Variants in TMEM165 observed in about 807,000 individuals in gnomAD.
The protein encoded by TMEM165 is transmembrane protein 165.
Under a neutral mutation model 30.0 loss-of-function variants are expected in TMEM165, and 19 were observed. The observed-to-expected ratio is 0.63, with a 90% CI of 0.44 to 0.93. The LOEUF (loss-of-function observed/expected upper bound fraction) is 0.93, where lower values mean the gene tolerates loss of function less well. TMEM165 is among the 40% of genes least tolerant of loss of function. The pLI is 0.00. For synonymous variants in TMEM165, 168 were observed against 162.9 expected (o/e 1.03, Z -0.24); for missense variants, 340 against 417.0 (o/e 0.82, Z 1.61).
rs776663661 is a variant in TMEM165 at position 55,449,580 on chromosome 4, T to C, written c.409-2659T>C. 5.1e-6 allele frequency: 6 copies of C among 1,178,556 alleles called. No homozygotes were observed. The African/African-American group carries it at 9.2e-5, about 18-fold the overall frequency. The allele number at this position is 1,178,556 out of a possible 1,614,324, so 73.0% of individuals were successfully genotyped here. A position where few individuals can be genotyped will look rare whatever the true frequency, so the allele number is the denominator to read the frequency against. ...TAATCTCAAAATGTATTTCAGTTAA[T>C]AAAAATGGCTTTTGAATTATTTTTC... is the stretch of plus-strand genomic sequence containing the variant. On this transcript the variant is annotated intron_variant, in intron 3 of 3. Transcript: ENST00000608091.
intron 3 of TMEM165, among the ~76,000 whole-genome samples, chr4:55,436,416 A>G (rs1179689489): frequency 6.6e-6 from 1 of 152,142 alleles, no homozygotes; most frequent in Non-Finnish European, 1.5e-5. Context: ...CTTTCACCAA[A>G]TTTGTACTTC....
Position 55,413,589 on chromosome 4 carries a change from A to C in TMEM165, c.433+1750A>C, listed in dbSNP as rs548694817. Among the ~76,000 whole-genome samples the C allele has an allele frequency of 3.3e-5, 5 of 152,376 alleles. No homozygotes were observed. The South Asian group carries it at 1.0e-3, about 32-fold the overall frequency. On this transcript the variant is annotated intron_variant, in intron 2 of 5. Transcript: ENST00000381334. Reference sequence around the variant, plus strand: ...CTTGGCCTCCCAAAGTGCTGCGATTACAGGCGTGAGCTACCACGCCTGGCC... The same window carrying C: ...CTTGGCCTCCCAAAGTGCTGCGATTCCAGGCGTGAGCTACCACGCCTGGCC...
chr4:55,447,992 T>TC (rs1171657707), intron 3 of TMEM165, among the ~76,000 whole-genome samples: 1 of 151,584 alleles, frequency 6.6e-6, no homozygotes, highest in Non-Finnish European at 1.5e-5. Context: ...TTGGAATTAC[T>TC]CCCCCTTTTT....
chr4:55,396,490 T>G, intron 1 of TMEM165, 94 bp downstream of exon 1: 1 of 1,134,690 alleles, frequency 8.8e-7, no homozygotes, highest in Non-Finnish European at 1.2e-6. Context: ...TCCGCCGGCC[T>G]CGGCTGGGGG....
In TMEM165 at chr4:55,395,996, G is replaced by A. The variant is rs1246578796; in HGVS notation, c.-194G>A. ...CGCCGCCGGAGAGGACGGGCGCCGA[G>A]CCGGGGCTGCGGACTTCGGCCTGCC... On this transcript the variant is annotated 5_prime_UTR_variant, in exon 1 of 6. Coordinates refer to ENST00000381334, the MANE Select transcript of TMEM165 (RefSeq NM_018475.5). The A allele has an allele frequency of 2.5e-6, 1 of 403,960 alleles. No homozygotes were observed. The allele number at this position is 403,960 out of a possible 1,614,324, so 25.0% of individuals were successfully genotyped here. A position where few individuals can be genotyped will look rare whatever the true frequency, so the allele number is the denominator to read the frequency against.
intron 4 of TMEM165, among the ~76,000 whole-genome samples, chr4:55,419,441 T>C (rs1192940571): frequency 1.3e-5 from 2 of 152,204 alleles, no homozygotes; most frequent in Non-Finnish European, 2.9e-5. Context: ...AGAGATCGGG[T>C]GACTTGTGTG....
At chr4:55,450,144 G>C in intron 3 of TMEM165, 1 of 1,614,052 alleles carries the variant, frequency 6.2e-7, no homozygotes, top group Admixed American at 1.7e-5. Flanking sequence ...CCGAGAAGAG[G>C]CAGAAGGGGT....
At chr4:55,433,513 G>C (rs1722658981) in intron 3 of TMEM165, 1 of 152,170 alleles carries the variant, frequency 6.6e-6, no homozygotes, top group Non-Finnish European at 1.5e-5. Flanking sequence ...TCTTTACCTA[G>C]CAATTCTGCA....
chr4:55,422,605 A>G (rs915940797), intron 4 of TMEM165, among the ~76,000 whole-genome samples: 1 of 151,960 alleles, frequency 6.6e-6, no homozygotes, highest in African/African-American at 2.4e-5. Context: ...CTTACCATAC[A>G]TAGTTCATCA....
chr4:55,396,412 T>C lies in TMEM165; in HGVS notation c.207+16T>C, dbSNP rs1019093638. 3.9e-5 allele frequency: 57 copies of C among 1,447,618 alleles called. No individual in the cohort carries two copies. The highest frequency in any genetic ancestry group is 5.0e-5 in the Non-Finnish European group (55 of 1,109,000). 89.7% of individuals were successfully genotyped at this position (1,447,618 alleles called of 1,614,324 possible). A position where few individuals can be genotyped will look rare whatever the true frequency, so the allele number is the denominator to read the frequency against. ...CCGGGTCGAGGTGAGCGGGCCGGGA[T>C]GGGGCGAGCGAGGCTGCAGGGCCGG... On this transcript the variant is annotated intron_variant, in intron 1 of 5. Transcript: ENST00000381334.
intron 3 of TMEM165, chr4:55,435,661 A>T (rs1236733190): frequency 6.0e-6 from 9 of 1,501,886 alleles, no homozygotes; most frequent in African/African-American, 1.4e-5. Flanking sequence ...ATAGTTACTC[A>T]CACTCTCCCC....
intron 3 of TMEM165, among the ~76,000 whole-genome samples, chr4:55,448,421 G>T (rs888842332): frequency 2.0e-5 from 3 of 152,042 alleles, no homozygotes; most frequent in Non-Finnish European, 2.9e-5. Context: ...ATTCTTTGTT[G>T]TGCAAGACTC....
At chr4:55,415,850 T>A (rs1721697657) in intron 2 of TMEM165, 1 of 147,854 alleles carries the variant, frequency 6.8e-6, no homozygotes, top group Non-Finnish European at 1.5e-5. Flanking sequence ...ATTGTATTTT[T>A]CTTTCTTTCT....
At chr4:55,429,080 T>A (rs1419759979), downstream of TMEM165, 1 of 151,980 alleles carries the variant, frequency 6.6e-6, no homozygotes, top group Admixed American at 6.6e-5. Context: ...CAACTTATTT[T>A]AACTTAACTA....
intron 4 of TMEM165, among the ~76,000 whole-genome samples, chr4:55,419,083 G>A (rs2109555290): frequency 6.6e-6 from 1 of 152,052 alleles, no homozygotes; most frequent in African/African-American, 2.4e-5. Context: ...GAACAAAAAA[G>A]ACTTAAGGAA....
At position 55,396,283 on chromosome 4, in the gene TMEM165, C is replaced by G. The variant is rs1720719760; in HGVS notation, c.94C>G (p.Arg32Gly). 1.3e-6 allele frequency: 2 copies of G among 1,524,074 alleles called. No individual in the cohort carries two copies. Among genetic ancestry groups the G allele is most frequent in the Admixed American group, 2.0e-5 (1 of 49,860 alleles). The allele number at this position is 1,524,074 out of a possible 1,614,324, so 94.4% of individuals were successfully genotyped here. ...VPLLWAPAAVRAGPDEDLSHR... is the reference protein window; with the variant it reads ...VPLLWAPAAVGAGPDEDLSHR... ...GCTGCTGTGGGCCCCGGCTGCGGTC[C>G]GGGCCGGCCCAGATGAAGACCTTAG... Residue 32 changes from arginine (R) to glycine (G), a missense_variant, in exon 1 of 6, where the codon CGG becomes GGG. Physicochemically the swap from Arg to Gly is moderately radical, Grantham distance 125. Coordinates refer to ENST00000381334, the MANE Select transcript of TMEM165 (RefSeq NM_018475.5).
intron 3 of TMEM165, among the ~76,000 whole-genome samples, chr4:55,439,970 C>T (rs758395952): frequency 7.2e-5 from 11 of 151,886 alleles, no homozygotes; most frequent in South Asian, 2.1e-4. Flanking sequence ...TATTTTAAAA[C>T]GGTTAACATG....
chr4:55,403,127 G>A, intron 1 of TMEM165: 2 of 633,562 alleles, frequency 3.2e-6, no homozygotes, highest in Non-Finnish European at 2.4e-6. Flanking sequence ...GTGCCCAGGA[G>A]ACAGTTCTAA....
At chr4:55,414,269 CAA>C (rs1227098345) in intron 2 of TMEM165, among the ~76,000 whole-genome samples, 20 of 92,386 alleles carry the variant, frequency 2.2e-4, no homozygotes, top group Non-Finnish European at 1.8e-4. Flanking sequence ...GACTCCGTCT[CAA>C]AAAAAAAAAA....
Sources: allele counts gnomAD v4.1 joint callset (sites outside exome capture counted in the v4.1 genomes callset), GRCh38; gene constraint gnomAD v4.1.1; transcripts MANE v1.5; gene names NCBI Gene and HGNC (gene_info 2026-07-23, HGNC 2026-07-21).